EPB41L2: variants seen among roughly 807,000 people sequenced by gnomAD.
EPB41L2 encodes the protein band 4.1-like protein 2.
EPB41L2 carries 43 observed loss-of-function variants against 113.0 expected under a neutral mutation model. The ratio of observed to expected loss-of-function variants is 0.38; its 90% CI spans 0.30 to 0.49. The LOEUF (loss-of-function observed/expected upper bound fraction) is 0.49, where lower values mean the gene tolerates loss of function less well. Among genes scored for constraint, EPB41L2 ranks in the 20% least tolerant of loss-of-function variants. EPB41L2 has a pLI of 0.95. For missense variants in EPB41L2, 1,147 were observed against 1,223.4 expected (o/e 0.94, Z 0.93); for synonymous variants, 442 against 436.7 (o/e 1.01, Z -0.15).
At chr6:130,953,525 G>A (rs553643919) in intron 3 of EPB41L2, among the ~76,000 whole-genome samples, 7 of 152,136 alleles carry the variant, frequency 4.6e-5, no homozygotes, top group South Asian at 2.1e-4. Context: ...CATGGGGTGC[G>A]CAGATGGGGG....
At chr6:130,968,745 TTA>T (rs1554303385) in intron 1 of EPB41L2, among the ~76,000 whole-genome samples, 2 of 151,670 alleles carry the variant, frequency 1.3e-5, no homozygotes, top group African/African-American at 4.9e-5. Flanking sequence ...TTTTTTTTTT[TTA>T]AAGTTAAGTA....
intron 1 of EPB41L2, among the ~76,000 whole-genome samples, chr6:131,038,276 T>C (rs545051941): frequency 6.6e-6 from 1 of 152,284 alleles, no homozygotes; most frequent in Admixed American, 6.5e-5. Flanking sequence ...TACTGATATT[T>C]CTCATTTAAG....
intron 6 of EPB41L2, 79 bp downstream of exon 6, chr6:130,904,386 T>C: frequency 2.1e-6 from 2 of 951,818 alleles, no homozygotes; most frequent in South Asian, 4.1e-5. Flanking sequence ...AATCCTGAAA[T>C]TACCACTATG....
At chr6:130,886,177 C>T (rs995505334) in intron 11 of EPB41L2, among the ~76,000 whole-genome samples, 2 of 152,188 alleles carry the variant, frequency 1.3e-5, no homozygotes, top group African/African-American at 4.8e-5. Context: ...CTGGTCAACA[C>T]AAACACCTTT....
chr6:130,870,077 A>G lies in EPB41L2; in HGVS notation c.2093T>C (p.Val698Ala). 6.2e-7 allele frequency: 1 copy of G among 1,612,926 alleles called. No individual in the cohort carries two copies. The highest frequency in any genetic ancestry group is 8.5e-7 in the Non-Finnish European group (1 of 1,179,622). ...NIVEEKKRAE[V>A]GKDERVITEE... ...TGTGATTACTCTTTCGTCTTTCCCAACCTCTGCCCGCTTCTTCTCCTCCAC... is the reference window on the plus strand; with the variant it reads ...TGTGATTACTCTTTCGTCTTTCCCAGCCTCTGCCCGCTTCTTCTCCTCCAC... Residue 698 changes from valine (V) to alanine (A), a missense_variant, in exon 15 of 20, where the codon GTT becomes GCT. Coordinates refer to ENST00000337057, the MANE Select transcript of EPB41L2 (RefSeq NM_001431.4).
chr6:130,903,322 A>G (rs763430201), intron 6 of EPB41L2, among the ~76,000 whole-genome samples: 1 of 151,628 alleles, frequency 6.6e-6, no homozygotes, highest in Non-Finnish European at 1.5e-5. Flanking sequence ...TACAAAAGCT[A>G]CTATTTATTA....
At chr6:130,849,519 G>A (rs944472331) in intron 19 of EPB41L2, among the ~76,000 whole-genome samples, 32 of 152,240 alleles carry the variant, frequency 2.1e-4, no homozygotes, top group East Asian at 5.8e-4. Context: ...TGTGATAACC[G>A]TGAAAACTGA....
At chr6:130,997,483 G>A (rs1783409247) in intron 1 of EPB41L2, among the ~76,000 whole-genome samples, 1 of 152,244 alleles carries the variant, frequency 6.6e-6, no homozygotes, top group South Asian at 2.1e-4. Flanking sequence ...GCTACGAAGG[G>A]ATCAGGGAAC....
intron 1 of EPB41L2, chr6:130,970,400 C>T (rs943970466): frequency 6.6e-6 from 1 of 152,336 alleles, no homozygotes. Flanking sequence ...TCCACCCAAG[C>T]CAGACCCTGC....
intron 14 of EPB41L2, chr6:130,876,839 C>T: frequency 1.9e-6 from 2 of 1,029,160 alleles, no homozygotes; most frequent in Non-Finnish European, 1.3e-6. Context: ...TATAGCAACA[C>T]AAACACAAAA....
At chr6:130,865,822 G>A in intron 16 of EPB41L2, 188 bp from the exon 17 acceptor site, 1 of 564,282 alleles carries the variant, frequency 1.8e-6, no homozygotes, top group South Asian at 2.3e-5. Context: ...AGGTGCACAT[G>A]GAGAAGCAAA....
chr6:130,926,024 C>G (rs1390706093), intron 4 of EPB41L2, among the ~76,000 whole-genome samples: 1 of 152,132 alleles, frequency 6.6e-6, no homozygotes, highest in Admixed American at 6.5e-5. Context: ...AAATAAAATT[C>G]ACACTTCTGT....
chr6:130,997,535 A>G (rs1783424695), intron 1 of EPB41L2, among the ~76,000 whole-genome samples: 1 of 152,226 alleles, frequency 6.6e-6, no homozygotes, highest in Non-Finnish European at 1.5e-5. Context: ...TCTTTGTTAT[A>G]TGACAACTGT....
At chr6:130,981,872 C>A (rs1004624072) in intron 1 of EPB41L2, among the ~76,000 whole-genome samples, 6 of 152,136 alleles carry the variant, frequency 3.9e-5, no homozygotes, top group African/African-American at 1.4e-4. Context: ...AAATCCCTAA[C>A]TGAACCAAAA....
At chr6:130,937,520 C>CT (rs1809215105) in intron 3 of EPB41L2, among the ~76,000 whole-genome samples, 2 of 151,500 alleles carry the variant, frequency 1.3e-5, no homozygotes, top group Admixed American at 6.6e-5. Flanking sequence ...ACTTAAAATG[C>CT]TTTAAAAAAA....
intron 4 of EPB41L2, among the ~76,000 whole-genome samples, chr6:130,919,507 CCCACTGTA>C (rs61336144): frequency 0.8 from 120,973 of 151,300 alleles, 49,122 homozygotes; most frequent in East Asian, 1. Flanking sequence ...CCCATGTATC[CCCACTGTA>C]CCACTGTACC....
chr6:131,005,486 T>TGA (rs1785284813), intron 1 of EPB41L2, among the ~76,000 whole-genome samples: 1 of 152,164 alleles, frequency 6.6e-6, no homozygotes, highest in African/African-American at 2.4e-5. Flanking sequence ...TCCCCACCAC[T>TGA]CTAGAATGTT....
At chr6:131,018,094 C>G (rs1157185323) in intron 1 of EPB41L2, among the ~76,000 whole-genome samples, 1 of 152,152 alleles carries the variant, frequency 6.6e-6, no homozygotes, top group Non-Finnish European at 1.5e-5. Flanking sequence ...AGAACAGACC[C>G]AAGTACATTC....
chr6:130,997,812 T>C (rs1022277667), intron 1 of EPB41L2, among the ~76,000 whole-genome samples: 5 of 152,162 alleles, frequency 3.3e-5, no homozygotes, highest in African/African-American at 7.2e-5. Flanking sequence ...AATGACAGTC[T>C]GTAGGGAAGA....
Sources: allele counts gnomAD v4.1 joint callset (sites outside exome capture counted in the v4.1 genomes callset), GRCh38; gene constraint gnomAD v4.1.1; transcripts MANE v1.5; gene names NCBI Gene and HGNC (gene_info 2026-07-23, HGNC 2026-07-21).